The following FREM1 variants were observed in gnomAD, a reference collection of about 807,000 sequenced individuals.
The protein encoded by FREM1 is FRAS1-related extracellular matrix protein 1.
Under a neutral mutation model 210.1 loss-of-function variants are expected in FREM1, and 220 were observed. That is an observed-to-expected ratio of 1.05 (90% CI 0.94 to 1.17). The LOEUF is 1.17. FREM1 is among the 50% of genes most tolerant of loss of function. FREM1 has a pLI of 0.00. For missense variants in FREM1, 3,454 were observed against 2,675.5 expected (o/e 1.29, Z -6.42); for synonymous variants, 1,189 against 980.2 (o/e 1.21, Z -3.98).
In FREM1 at chr9:14,819,394, T is replaced by C; in HGVS notation, c.2386A>G (p.Ser796Gly). 6.2e-7 allele frequency: 1 copy of C among 1,613,672 alleles called. No homozygotes were observed. The highest frequency in any genetic ancestry group is 8.5e-7 in the Non-Finnish European group (1 of 1,179,676). ...TCAGAAATTAGAATGTGCTCTGTGC[T>C]GATGATGCTTTGACCTCCCTCAGTC... ...KVTEGGQSIISTEHILISDAD... is the reference protein window; with the variant it reads ...KVTEGGQSIIGTEHILISDAD... Residue 796 changes from serine to glycine, a missense_variant, in exon 14 of 37, where the codon AGC becomes GGC. Transcript: ENST00000380880.
chr9:14,789,257 C>CCTGATTTTT (rs1212971661), intron 22 of FREM1, 143 bp from the exon 23 acceptor site: 7 of 545,568 alleles, frequency 1.3e-5, no homozygotes, highest in Non-Finnish European at 2.1e-5. Context: ...TGCCACTTTA[C>CCTGATTTTT]CTGATTTTTT....
At position 14,782,127 on chromosome 9, in the gene FREM1, T is replaced by TCTGGGC. The variant is rs1554659176; in HGVS notation, c.4442+2237_4442+2242dup. Among the ~76,000 whole-genome samples, 1,271 of 152,314 alleles carry TCTGGGC rather than the reference T, an allele frequency of 8.3e-3. 16 individuals carry two copies. Among genetic ancestry groups the TCTGGGC allele is most frequent in the African/African-American group, 0.029 (1,212 of 41,586 alleles). On this transcript the variant is annotated intron_variant, in intron 24 of 36. Coordinates refer to ENST00000380880, the MANE Select transcript of FREM1 (RefSeq NM_001379081.2). ...AAGATATCTTTCAAAAATACAGATT[T>TCTGGGC]CTGGGCCTGAGACTGGACTTACCAA...
At chr9:14,845,936 AG>A in intron 8 of FREM1, 23 bp downstream of exon 8, 1 of 1,612,214 alleles carries the variant, frequency 6.2e-7, no homozygotes, top group Non-Finnish European at 8.5e-7. Context: ...ATTCTTTGCT[AG>A]GTTACCAAGT....
chr9:14,796,597 G>C (rs890600394), intron 21 of FREM1, among the ~76,000 whole-genome samples: 1 of 152,178 alleles, frequency 6.6e-6, no homozygotes, highest in African/African-American at 2.4e-5. Context: ...TGTGTTGTGG[G>C]AGGGACCAGG....
At position 14,868,886 on chromosome 9, in the gene FREM1, C is replaced by T. The variant is rs760315294; in HGVS notation, c.92G>A (p.Gly31Glu). 6.2e-6 allele frequency: 10 copies of T among 1,607,296 alleles called. No homozygotes were observed. The Admixed American group carries it at 8.5e-5, about 14-fold the overall frequency. ...ASPTFISINR[G>E]VRVMKGHSAF... ...AGAGTGGCCCTTCATCACCCTCACC[C>T]CGCGGTTGATGCTGATGAAGGTGGG... Residue 31 changes from glycine to glutamate, a missense_variant, in exon 2 of 37, where the codon GGG (glycine) becomes GAG (glutamate). Physicochemically the swap from Gly to Glu is moderately conservative, Grantham distance 98 (BLOSUM62 -2). Transcript: ENST00000380880.
In FREM1 at chr9:14,769,776, T is replaced by C. The variant is rs1458194258; in HGVS notation, c.5152A>G (p.Thr1718Ala). ...INPSLEVNSD[T>A]VEFQIMDPTG... ...GGGTCCATGATTTGAAATTCCACGG[T>C]ATCTGAATTTACTTCCAAAGATGGG... Residue 1718 changes from threonine (T) to alanine (A), a missense_variant, in exon 27 of 37, where the codon ACC becomes GCC. Physicochemically the swap from Thr to Ala is moderately conservative, Grantham distance 58. Transcript: ENST00000380880. The C allele has an allele frequency of 4.3e-6, 7 of 1,609,892 alleles. No individual in the cohort carries two copies. The African/African-American group carries it at 9.4e-5, about 22-fold the overall frequency.
At chr9:14,861,284 T>TACATATATAC (rs1830447090) in intron 3 of FREM1, among the ~76,000 whole-genome samples, 3 of 85,450 alleles carry the variant, frequency 3.5e-5, no homozygotes, top group African/African-American at 1.8e-4. Context: ...TATACATATA[T>TACATATATAC]ACATATATAC....
chr9:14,780,009 T>TG (rs1341831494), intron 24 of FREM1, among the ~76,000 whole-genome samples: 1 of 151,994 alleles, frequency 6.6e-6, no homozygotes, highest in East Asian at 1.9e-4. Flanking sequence ...GCAGTACACG[T>TG]GAAAAAAGGT....
intron 1 of FREM1, among the ~76,000 whole-genome samples, chr9:14,892,189 C>A (rs1220136853): frequency 6.6e-6 from 1 of 151,996 alleles, no homozygotes; most frequent in Non-Finnish European, 1.5e-5. Context: ...CTGAAAAAAC[C>A]CCCCGACCCA....
At chr9:14,896,647 G>A (rs1326058735) in intron 1 of FREM1, among the ~76,000 whole-genome samples, 4 of 151,778 alleles carry the variant, frequency 2.6e-5, no homozygotes, top group Non-Finnish European at 1.5e-5. Flanking sequence ...TCTCAGTGCT[G>A]CTCTGTCTAT....
chr9:14,889,667 C>G (rs1007226022), intron 1 of FREM1, among the ~76,000 whole-genome samples: 1 of 152,162 alleles, frequency 6.6e-6, no homozygotes, highest in Admixed American at 6.5e-5. Context: ...CTGCCAGACT[C>G]AGAACTCTGG....
chr9:14,764,739 A>G (rs72614220), intron 27 of FREM1, among the ~76,000 whole-genome samples: 15,730 of 152,126 alleles, frequency 0.1, 1,131 homozygotes, highest in East Asian at 0.32. Context: ...TATAGTGCCA[A>G]TGTTGAGACA....
chr9:14,762,482 G>C (rs1156467337), intron 27 of FREM1, among the ~76,000 whole-genome samples: 3 of 152,088 alleles, frequency 2.0e-5, no homozygotes, highest in Non-Finnish European at 2.9e-5. Flanking sequence ...CCATTCAGAG[G>C]GCTGTTCAGC....
At chr9:14,819,484 A>T in intron 13 of FREM1, 42 bp from the exon 14 acceptor site, 1 of 1,277,048 alleles carries the variant, frequency 7.8e-7, no homozygotes, top group African/African-American at 1.5e-5. Context: ...GCCTTTTTCC[A>T]TGACCCCTGA....
chr9:14,894,336 A>G (rs1837335814), intron 1 of FREM1, among the ~76,000 whole-genome samples: 2 of 152,228 alleles, frequency 1.3e-5, no homozygotes, highest in Non-Finnish European at 2.9e-5. Context: ...TTCCTTGCCA[A>G]TTGTGGCTTT....
chr9:14,770,331 T>G (rs150500999), intron 26 of FREM1, among the ~76,000 whole-genome samples: 84 of 152,292 alleles, frequency 5.5e-4, no homozygotes, highest in African/African-American at 1.7e-3. Context: ...GGTCCTGATA[T>G]TATGTTCCTT....
chr9:14,850,835 G>A (rs1827585783), intron 6 of FREM1, among the ~76,000 whole-genome samples: 2 of 152,210 alleles, frequency 1.3e-5, no homozygotes. Flanking sequence ...TTCTCAAACT[G>A]GTGAGCCCTG....
rs114410606 is a variant in FREM1 at position 14,770,701 on chromosome 9, C to G, written c.4963G>C (p.Val1655Leu). 45 of 1,613,164 alleles carry G rather than the reference C, an allele frequency of 2.8e-5. No homozygotes were observed. The highest frequency in any genetic ancestry group is 3.6e-5 in the Non-Finnish European group (43 of 1,179,420). ...GCYGIYITSRVLKASDPDTED... is the reference protein window; with the variant it reads ...GCYGIYITSRLLKASDPDTED... ...GTGTCAGGGTCTGATGCCTTCAACA[C>G]GCGGGAAGTGATGTAAATCCCGTAG... The change falls in exon 26 of 37, where the codon GTG (valine) becomes CTG (leucine). Residue 1655 changes from valine (V) to leucine (L), a missense_variant. By Grantham distance (32) the Val-to-Leu change is conservative. Transcript: ENST00000380880.
intron 31 of FREM1, 141 bp from the exon 32 acceptor site, chr9:14,747,869 C>A: frequency 2.0e-6 from 1 of 510,936 alleles, no homozygotes. Flanking sequence ...ACGCCCAAAT[C>A]ATTGGAATTT....
Sources: allele counts gnomAD v4.1 joint callset (sites outside exome capture counted in the v4.1 genomes callset), GRCh38; gene constraint gnomAD v4.1.1; transcripts MANE v1.5; gene names NCBI Gene and HGNC (gene_info 2026-07-23, HGNC 2026-07-21).